NCAM1: variants seen among roughly 807,000 people sequenced by gnomAD.
The protein encoded by NCAM1 is antigen recognized by monoclonal antibody 5.1H11.
NCAM1 carries 14 observed loss-of-function variants against 109.8 expected under a neutral mutation model. That is an observed-to-expected ratio of 0.13 (90% confidence interval 0.08 to 0.20). NCAM1 has a LOEUF of 0.20. NCAM1 is among the 10% of genes least tolerant of loss of function. The pLI is 1.00. For missense variants in NCAM1, 774 were observed against 1,109.9 expected (o/e 0.70, Z 4.30); for synonymous variants, 418 against 442.9 (o/e 0.94, Z 0.70).
chr11:113,214,496 C>T lies in NCAM1; in HGVS notation c.1044C>T (p.Ile348=), dbSNP rs1159226906. Residue 348 remains isoleucine, a synonymous_variant, in exon 8 of 20, where the codon ATC becomes ATT. Coordinates refer to ENST00000316851, the MANE Select transcript of NCAM1 (RefSeq NM_181351.5). ...SITWRTSTRN[I]SSEEKASWTR... ...CCTGGAGGACTTCTACCCGGAACAT[C>T]AGCAGCGAAGAAAAGGTATCATGCT... The T allele has an allele frequency of 6.2e-7, 1 of 1,608,976 alleles. No homozygotes were observed. Among genetic ancestry groups the T allele is most frequent in the African/African-American group, 1.3e-5 (1 of 74,872 alleles).
At chr11:113,111,038 C>T (rs12361946) in intron 1 of NCAM1, among the ~76,000 whole-genome samples, 67,630 of 152,034 alleles carry the variant, frequency 0.44, 16,120 homozygotes, top group Middle Eastern at 0.55. Flanking sequence ...ATGAGGACAT[C>T]GAATCTAAAA....
chr11:113,013,702 A>G (rs1011808032), intron 1 of NCAM1, among the ~76,000 whole-genome samples: 3 of 152,178 alleles, frequency 2.0e-5, no homozygotes, highest in Admixed American at 2.0e-4. Context: ...ACCTCAAACA[A>G]TAGACTATTG....
At chr11:113,106,849 C>A (rs189819720) in intron 1 of NCAM1, among the ~76,000 whole-genome samples, 1 of 152,060 alleles carries the variant, frequency 6.6e-6, no homozygotes, top group Non-Finnish European at 1.5e-5. Context: ...CTAAAAAAGC[C>A]CAGAGAGAAA....
intron 1 of NCAM1, among the ~76,000 whole-genome samples, chr11:113,067,281 A>G (rs1938011889): frequency 6.6e-6 from 1 of 152,196 alleles, no homozygotes; most frequent in Non-Finnish European, 1.5e-5. Context: ...GCCTTTTACT[A>G]TCCGGTTTTC....
chr11:113,263,641 T>G (rs1390525919), intron 17 of NCAM1: 2 of 985,486 alleles, frequency 2.0e-6, no homozygotes, highest in African/African-American at 3.5e-5. Context: ...TGCCAACAAG[T>G]GTCAGCTTTG....
At chr11:113,100,478 C>A (rs1384656087) in intron 1 of NCAM1, among the ~76,000 whole-genome samples, 7 of 152,110 alleles carry the variant, frequency 4.6e-5, no homozygotes, top group Admixed American at 2.0e-4. Flanking sequence ...CAGGAAGAAG[C>A]AGGTCACGTG....
In NCAM1 at chr11:113,231,761, C is replaced by A. The variant is rs375015033; in HGVS notation, c.1206C>A (p.Gly402=). The change falls in exon 10 of 20, where the codon GGC becomes GGA. Residue 402 remains glycine (G), a synonymous_variant. Transcript: ENST00000316851. Reference sequence around the variant, plus strand: ...TCTGCACCGCCAGCAACACCATCGGCCAGGACTCCCAGTCCATGTACCTTG... The same window carrying A: ...TCTGCACCGCCAGCAACACCATCGGACAGGACTCCCAGTCCATGTACCTTG... ...EYICTASNTI[G]QDSQSMYLEV... 2 of 1,613,964 alleles carry A rather than the reference C, an allele frequency of 1.2e-6. No individual in the cohort carries two copies. Among genetic ancestry groups the A allele is most frequent in the Admixed American group, 1.7e-5 (1 of 60,014 alleles).
intron 1 of NCAM1, among the ~76,000 whole-genome samples, chr11:113,125,976 T>C (rs544652189): frequency 6.6e-5 from 10 of 151,830 alleles, no homozygotes; most frequent in Non-Finnish European, 8.8e-5. Flanking sequence ...GCCAACACGC[T>C]GAAACTCCAT....
At chr11:112,984,784 A>T (rs906220314) in intron 1 of NCAM1, among the ~76,000 whole-genome samples, 2 of 151,608 alleles carry the variant, frequency 1.3e-5, no homozygotes, top group Non-Finnish European at 2.9e-5. Flanking sequence ...TGTTCCTTAT[A>T]TATTTTGAAT....
chr11:112,966,810 A>G (rs1950739643), intron 1 of NCAM1, among the ~76,000 whole-genome samples: 1 of 152,254 alleles, frequency 6.6e-6, no homozygotes, highest in Admixed American at 6.5e-5. Flanking sequence ...AAACATGCTC[A>G]GGCCATGTCT....
At chr11:112,964,129 G>GT (rs782504184) in intron 1 of NCAM1, among the ~76,000 whole-genome samples, 18,131 of 123,766 alleles carry the variant, frequency 0.15, 1,317 homozygotes, top group African/African-American at 0.17. Context: ...TATATCTGAG[G>GT]TTTTTTTTTT....
In NCAM1 at chr11:113,277,301, A is replaced by AATG. The variant is rs1293700865; in HGVS notation, c.*1915_*1917dup. ...ATTATAATTTCAAACTGTGAAGAATAATGGTCTTGTCATTTGCTCAATGTG... is the reference window on the plus strand; with the variant it reads ...ATTATAATTTCAAACTGTGAAGAATAATGATGGTCTTGTCATTTGCTCAATGTG... On this transcript the variant is annotated 3_prime_UTR_variant, in exon 20 of 20. Transcript: ENST00000316851. 1 of 398,926 alleles carries AATG rather than the reference A, an allele frequency of 2.5e-6. No individual in the cohort carries two copies. Among genetic ancestry groups the AATG allele is most frequent in the Middle Eastern group, 6.2e-4 (1 of 1,610 alleles). 24.7% of individuals were successfully genotyped at this position (398,926 alleles called of 1,614,324 possible).
At chr11:113,075,276 C>T (rs1010243363) in intron 1 of NCAM1, among the ~76,000 whole-genome samples, 1 of 151,990 alleles carries the variant, frequency 6.6e-6, no homozygotes, top group Non-Finnish European at 1.5e-5. Context: ...CACTATGTTG[C>T]TCAGGCTGGT....
chr11:113,184,106 G>A (rs1438559708), intron 1 of NCAM1, among the ~76,000 whole-genome samples: 1 of 152,144 alleles, frequency 6.6e-6, no homozygotes, highest in African/African-American at 2.4e-5. Context: ...TCTTTAAAGT[G>A]AAGCAAATGT....
At chr11:113,176,927 A>C (rs1555107128) in intron 1 of NCAM1, among the ~76,000 whole-genome samples, 1 of 152,226 alleles carries the variant, frequency 6.6e-6, no homozygotes, top group African/African-American at 2.4e-5. Flanking sequence ...TTTATGAAAA[A>C]TTAACATGCA....
chr11:113,264,058 C>T (rs1946079406), intron 17 of NCAM1: 25 of 985,186 alleles, frequency 2.5e-5, no homozygotes, highest in Non-Finnish European at 2.9e-5. Context: ...GTTAAGGTCC[C>T]TTGTGGAGAC....
chr11:113,131,370 T>C (rs1941374547), intron 1 of NCAM1, among the ~76,000 whole-genome samples: 1 of 152,168 alleles, frequency 6.6e-6, no homozygotes, highest in Non-Finnish European at 1.5e-5. Context: ...GATAGTCTGC[T>C]GTGCCTCCTC....
intron 1 of NCAM1, among the ~76,000 whole-genome samples, chr11:112,967,077 T>C (rs1331023762): frequency 6.6e-6 from 1 of 152,238 alleles, no homozygotes; most frequent in Non-Finnish European, 1.5e-5. Context: ...TTAAAAGGCT[T>C]CTATGTAACC....
intron 1 of NCAM1, among the ~76,000 whole-genome samples, chr11:113,178,141 T>C (rs1943225446): frequency 6.6e-6 from 1 of 152,196 alleles, no homozygotes; most frequent in African/African-American, 2.4e-5. Flanking sequence ...TTTCCTACTT[T>C]CTTCTTTGCC....
Sources: allele counts gnomAD v4.1 joint callset (sites outside exome capture counted in the v4.1 genomes callset), GRCh38; gene constraint gnomAD v4.1.1; transcripts MANE v1.5; gene names NCBI Gene and HGNC (gene_info 2026-07-23, HGNC 2026-07-21).